Variants in PPP2R1A observed in about 807,000 individuals in gnomAD.
The protein encoded by PPP2R1A is serine/threonine-protein phosphatase 2A 65 kDa regulatory subunit A alpha isoform.
A neutral mutation model predicts 67.1 loss-of-function variants in PPP2R1A; 15 were observed. The ratio of observed to expected loss-of-function variants is 0.22; its 90% CI spans 0.15 to 0.34. The LOEUF is 0.34. Ranked by LOEUF, PPP2R1A falls within the 10% of genes least tolerant of loss-of-function variation. The probability of loss-of-function intolerance (pLI) is 1.00; values close to 1 mark genes in which losing one functional copy is unlikely to be tolerated. For missense variants in PPP2R1A, 369 were observed against 775.0 expected, an observed-to-expected ratio of 0.48 and a Z score of 6.22; for synonymous variants, 337 against 325.0, an observed-to-expected ratio of 1.04 and a Z score of -0.40.
In PPP2R1A at chr19:52,226,042, C is replaced by G; in HGVS notation, c.*61C>G. 1 of 1,612,038 alleles carries G rather than the reference C, an allele frequency of 6.2e-7. No individual in the cohort carries two copies. Among genetic ancestry groups the G allele is most frequent in the Admixed American group, 1.7e-5 (1 of 60,012 alleles). ...CACCCTCCAACCCCCACAAGTCCCT[C>G]TTTGGGGAGACACTGGGGGGCCTTT... On this transcript the variant is annotated 3_prime_UTR_variant, in exon 15 of 15. Coordinates refer to ENST00000322088, the MANE Select transcript of PPP2R1A (RefSeq NM_014225.6).
chr19:52,201,176 C>T (rs13346079), intron 1 of PPP2R1A: 64,382 of 146,852 alleles, frequency 0.44, 14,814 homozygotes, highest in African/African-American at 0.58. Context: ...CTTAACTACG[C>T]CTGCAAAGAC....
Position 52,229,014 on chromosome 19 carries a change from A to T in PPP2R1A, c.*3033A>T, listed in dbSNP as rs757046975. 1 of 152,224 alleles carries T rather than the reference A, an allele frequency of 6.6e-6. No individual in the cohort carries two copies. The highest frequency in any genetic ancestry group is 1.5e-5 in the Non-Finnish European group (1 of 68,102). The allele number at this position is 152,224 out of a possible 1,614,324, so 9.4% of individuals were successfully genotyped here. On this transcript the variant is annotated 3_prime_UTR_variant, in exon 15 of 15. Coordinates refer to ENST00000322088, the MANE Select transcript of PPP2R1A (RefSeq NM_014225.6). ...GAATTACCATGGCTCCCCCGGGCAG[A>T]TGAAGATGACGAGGTGGTGCCTCAG...
intron 3 of PPP2R1A, among the ~76,000 whole-genome samples, chr19:52,207,334 G>A (rs2089614600): frequency 6.6e-6 from 1 of 152,140 alleles, no homozygotes; most frequent in Admixed American, 6.5e-5. Context: ...CTTCTCAGAG[G>A]ACTTAGGAGC....
chr19:52,224,534 G>A (rs998630485), intron 13 of PPP2R1A, among the ~76,000 whole-genome samples: 2 of 152,180 alleles, frequency 1.3e-5, no homozygotes, highest in African/African-American at 4.8e-5. Flanking sequence ...GTGAATATGT[G>A]TGAAATCAAT....
rs1304491945 is a variant in PPP2R1A, at chr19:52,219,962, G to C, written c.1302+98G>C. 4.8e-5 allele frequency: 69 copies of C among 1,440,096 alleles called. No individual in the cohort carries two copies. Among genetic ancestry groups the C allele is most frequent in the Non-Finnish European group, 6.3e-5 (68 of 1,076,484 alleles). The allele number at this position is 1,440,096 out of a possible 1,614,324, so 89.2% of individuals were successfully genotyped here. A position where few individuals can be genotyped will look rare whatever the true frequency, so the allele number is the denominator to read the frequency against. On this transcript the variant is annotated intron_variant, in intron 10 of 14. Transcript: ENST00000322088. This position sits in a 1 kb window ranked among gnomAD's most constrained non-coding sequence, Gnocchi z 4.0. ...GAAACGGGGCTTTGAAGGCTTAGTG[G>C]AGGCTGTGACAACTGCCTGGGGAGT... is the stretch of plus-strand genomic sequence containing the variant.
intron 6 of PPP2R1A, among the ~76,000 whole-genome samples, chr19:52,215,558 G>T (rs1025893199): frequency 6.6e-6 from 1 of 152,182 alleles, no homozygotes; most frequent in Non-Finnish European, 1.5e-5. Flanking sequence ...TGAGGTAGGT[G>T]CCCTCGCAGT....
At chr19:52,221,248 G>A (rs1012397889) in intron 12 of PPP2R1A, 115 bp downstream of exon 12, 30 of 1,425,056 alleles carry the variant, frequency 2.1e-5, no homozygotes, top group Non-Finnish European at 2.8e-5. Flanking sequence ...GAGACATGGA[G>A]TGCATCTTCT....
rs1412245205 is a variant in PPP2R1A at position 52,229,513 on chromosome 19, AC to A, written c.*3533del. ...AATAAAGATTTAGTGCCAGGCCTTG[AC>A]TCCAGCAGGCCTTCCCCGCTCTCTC... On this transcript the variant is annotated 3_prime_UTR_variant, in exon 15 of 15. Transcript: ENST00000322088. The A allele has an allele frequency of 6.6e-6, 1 of 152,038 alleles. No homozygotes were observed. Among genetic ancestry groups the A allele is most frequent in the Non-Finnish European group, 1.5e-5 (1 of 68,028 alleles). 9.4% of individuals were successfully genotyped at this position (152,038 alleles called of 1,614,324 possible).
At position 52,212,635 on chromosome 19, in the gene PPP2R1A, C is replaced by G; in HGVS notation, c.504-51C>G. On this transcript the variant is annotated intron_variant, in intron 4 of 14. Transcript: ENST00000322088. The surrounding 1 kb of genome is among the most constrained non-coding windows in gnomAD (Gnocchi z 4.1). ...CACAACTGCAGAGTCTGTGCTTGCT[C>G]CTCTCTGCCATACTGCCTGCTGCCT... 1 of 1,596,764 alleles carries G rather than the reference C, an allele frequency of 6.3e-7. No individual in the cohort carries two copies. The highest frequency in any genetic ancestry group is 8.5e-7 in the Non-Finnish European group (1 of 1,175,824).
intron 12 of PPP2R1A, among the ~76,000 whole-genome samples, chr19:52,221,599 T>G (rs562063681): frequency 3.3e-5 from 5 of 152,166 alleles, no homozygotes; most frequent in Non-Finnish European, 7.3e-5. Flanking sequence ...GAATTCATAC[T>G]GGTAATCACA....
chr19:52,222,320 C>A, intron 13 of PPP2R1A, 79 bp downstream of exon 13: 1 of 1,529,144 alleles, frequency 6.5e-7, no homozygotes, highest in South Asian at 1.3e-5. Context: ...AAGGTAGAGC[C>A]CAGGGTCAGA....
intron 13 of PPP2R1A, among the ~76,000 whole-genome samples, chr19:52,224,068 C>A (rs1979106297): frequency 6.6e-6 from 1 of 152,204 alleles, no homozygotes; most frequent in South Asian, 2.1e-4. Flanking sequence ...AGGTGACTCT[C>A]ACAGATACCA....
Position 52,226,067 on chromosome 19 carries a change from T to A in PPP2R1A, c.*86T>A. On this transcript the variant is annotated 3_prime_UTR_variant, in exon 15 of 15. Transcript: ENST00000322088. Reference sequence around the variant, plus strand: ...CTTTGGGGAGACACTGGGGGGCCTTTGGCTGTCACTCCCTGTGCATGGTCT... The same window carrying A: ...CTTTGGGGAGACACTGGGGGGCCTTAGGCTGTCACTCCCTGTGCATGGTCT... The A allele has an allele frequency of 6.3e-7, 1 of 1,591,456 alleles. No homozygotes were observed. The highest frequency in any genetic ancestry group is 8.6e-7 in the Non-Finnish European group (1 of 1,159,882).
chr19:52,194,560 C>T (rs1038858006), intron 1 of PPP2R1A, among the ~76,000 whole-genome samples: 6 of 151,724 alleles, frequency 4.0e-5, no homozygotes, highest in African/African-American at 7.3e-5. Flanking sequence ...GCACCCAGGA[C>T]CAGTGTTAGC....
At chr19:52,190,265 A>T (rs936133585) in intron 1 of PPP2R1A, 91 bp downstream of exon 1, 4 of 1,434,836 alleles carry the variant, frequency 2.8e-6, no homozygotes, top group Middle Eastern at 1.8e-4. Flanking sequence ...GTTCGCTGGG[A>T]GTGGCGGAAG....
rs755499496 is a variant in PPP2R1A, at chr19:52,211,868, A to G, written c.503+376A>G. Among the ~76,000 whole-genome samples the G allele has an allele frequency of 1.6e-4, 24 of 152,354 alleles. No individual in the cohort carries two copies. The highest frequency in any genetic ancestry group is 2.6e-4 in the Admixed American group (4 of 15,308). On this transcript the variant is annotated intron_variant, in intron 4 of 14. Transcript: ENST00000322088. The surrounding 1 kb of genome is among the most constrained non-coding windows in gnomAD (Gnocchi z 5.3). ...CTGTCCCAGGTCCAGTGCCTTTGGC[A>G]GATAAACCACCTCAGTTTTCAGCCT...
chr19:52,225,815 C>T lies in PPP2R1A; in HGVS notation c.1753+7C>T, dbSNP rs1284477401. 1.9e-6 allele frequency: 3 copies of T among 1,613,574 alleles called. No homozygotes were observed. Among genetic ancestry groups the T allele is most frequent in the Middle Eastern group, 1.6e-4 (1 of 6,062 alleles). On this transcript the variant is annotated splice_region_variant and intron_variant, in intron 14 of 14. Coordinates refer to ENST00000322088, the MANE Select transcript of PPP2R1A (RefSeq NM_014225.6). ...GCCCAGGAGGCTCTGACTGGTAAGA[C>T]CTAGAAAGCACGGAGCCCTAGCAGG...
chr19:52,199,914 T>C (rs2089531214), intron 1 of PPP2R1A, among the ~76,000 whole-genome samples: 1 of 152,246 alleles, frequency 6.6e-6, no homozygotes, highest in South Asian at 2.1e-4. Context: ...AATGCCAGAA[T>C]GGTGAGTTTT....
At position 52,219,584 on chromosome 19, in the gene PPP2R1A, T is replaced by C. The variant is rs999102261; in HGVS notation, c.1129-107T>C. ...GGGAGCTGGGCTTGGACAGGAGTAG[T>C]CCCTCGGGAGATGTCCATAAAAGTT... On this transcript the variant is annotated intron_variant, in intron 9 of 14. Coordinates refer to ENST00000322088, the MANE Select transcript of PPP2R1A (RefSeq NM_014225.6). The surrounding 1 kb of genome is among the most constrained non-coding windows in gnomAD (Gnocchi z 4.0). 8 of 1,192,776 alleles carry C rather than the reference T, an allele frequency of 6.7e-6. No individual in the cohort carries two copies. The highest frequency in any genetic ancestry group is 7.0e-6 in the Non-Finnish European group (6 of 856,820). The allele number at this position is 1,192,776 out of a possible 1,614,324, so 73.9% of individuals were successfully genotyped here.
Sources: allele counts gnomAD v4.1 joint callset (sites outside exome capture counted in the v4.1 genomes callset), GRCh38; gene constraint gnomAD v4.1.1; non-coding constraint Gnocchi (gnomAD v3.1); transcripts MANE v1.5; gene names NCBI Gene and HGNC (gene_info 2026-07-23, HGNC 2026-07-21).